The following SEC13 variants were observed in gnomAD, a reference collection of about 807,000 sequenced individuals.
SEC13 encodes protein SEC13 homolog.
Under a neutral mutation model 49.2 loss-of-function variants are expected in SEC13, and 25 were observed. The ratio of observed to expected loss-of-function variants is 0.51; its 90% CI spans 0.37 to 0.71. The LOEUF is 0.71. Ranked by LOEUF, SEC13 falls within the 30% of genes least tolerant of loss-of-function variation. SEC13 has a pLI of 0.00. For missense variants in SEC13, 383 were observed against 417.6 expected, an observed-to-expected ratio of 0.92 and a Z score of 0.72; for synonymous variants, 148 against 163.9, an observed-to-expected ratio of 0.90 and a Z score of 0.74.
At chr3:10,317,352 G>A (rs941711588) in intron 2 of SEC13, among the ~76,000 whole-genome samples, 1 of 152,168 alleles carries the variant, frequency 6.6e-6, no homozygotes, top group Non-Finnish European at 1.5e-5. Context: ...GACAGGTTGT[G>A]AGGGCAAGAA....
At chr3:10,304,301 G>C in intron 7 of SEC13, 129 bp from the exon 8 acceptor site, 1 of 861,084 alleles carries the variant, frequency 1.2e-6, no homozygotes. Context: ...AAGGGGAGCC[G>C]AGGACCTCTG....
intron 5 of SEC13, among the ~76,000 whole-genome samples, chr3:10,308,791 AT>A (rs34572074): frequency 0.43 from 49,175 of 115,174 alleles, 9,983 homozygotes; most frequent in Non-Finnish European, 0.46. Flanking sequence ...GCTGAGTTGA[AT>A]TTTTTTTTTT....
chr3:10,305,201 C>T (rs1288155682), intron 6 of SEC13, 45 bp from the exon 7 acceptor site: 2 of 1,561,224 alleles, frequency 1.3e-6, no homozygotes, highest in East Asian at 4.5e-5. Context: ...GCCGTTCCCA[C>T]ACCTCAACTC....
chr3:10,301,728 T>C lies in SEC13; in HGVS notation c.856-354A>G, dbSNP rs79160712. Among the ~76,000 whole-genome samples, 300 of 152,252 alleles carry C rather than the reference T, an allele frequency of 2.0e-3. 3 individuals are homozygous for C. The East Asian group carries it at 0.047, about 24-fold the overall frequency. ...CGGTCACCTGGGAGCTTGCTACAACTGCAGATTCTTGGGGCCTGGAACAAC... is the reference window on the plus strand; with the variant it reads ...CGGTCACCTGGGAGCTTGCTACAACCGCAGATTCTTGGGGCCTGGAACAAC... On this transcript the variant is annotated intron_variant, in intron 8 of 8. Coordinates refer to ENST00000350697, the MANE Select transcript of SEC13 (RefSeq NM_183352.3).
At position 10,311,802 on chromosome 3, in the gene SEC13, A is replaced by G. The variant is rs754214910; in HGVS notation, c.450+163T>C. 65 of 1,489,376 alleles carry G rather than the reference A, an allele frequency of 4.4e-5. No individual in the cohort carries two copies. The South Asian group carries it at 7.6e-4, about 17-fold the overall frequency. The allele number at this position is 1,489,376 out of a possible 1,614,324, so 92.3% of individuals were successfully genotyped here. On this transcript the variant is annotated intron_variant, in intron 5 of 8. Transcript: ENST00000350697. ...GCCCTGCCTGGTCTGGCTTCAGGGC[A>G]GAGAGGCTCAAAGCTGCTCTAGAGC...
At chr3:10,308,790 AATT>A (rs1701052185) in intron 5 of SEC13, among the ~76,000 whole-genome samples, 1 of 93,682 alleles carries the variant, frequency 1.1e-5, no homozygotes, top group Admixed American at 1.6e-4. Context: ...TGCTGAGTTG[AATT>A]TTTTTTTTTT....
rs137884718 is a variant in SEC13, at chr3:10,312,624, C to T, written c.271G>A (p.Gly91Ser). 50 of 1,614,048 alleles carry T rather than the reference C, an allele frequency of 3.1e-5. No individual in the cohort carries two copies. The highest frequency in any genetic ancestry group is 1.5e-4 in the African/African-American group (11 of 74,900). Reference sequence around the variant, plus strand: ...TGCTCGTGGCTCTTCTCCCAGGTGCCGTTTTCCTCTCTCCAGATAATGACT... The same window carrying T: ...TGCTCGTGGCTCTTCTCCCAGGTGCTGTTTTCCTCTCTCCAGATAATGACT... ...RKVIIWREEN[G>S]TWEKSHEHAG... The change falls in exon 4 of 9, where the codon GGC (glycine) becomes AGC (serine). Residue 91 changes from glycine (G) to serine (S), a missense_variant. Coordinates refer to ENST00000350697, the MANE Select transcript of SEC13 (RefSeq NM_183352.3).
At chr3:10,315,762 C>A (rs1160680313) in intron 2 of SEC13, among the ~76,000 whole-genome samples, 1 of 152,096 alleles carries the variant, frequency 6.6e-6, no homozygotes, top group Non-Finnish European at 1.5e-5. Flanking sequence ...CTTCTTCCTC[C>A]ATCCTCTCAG....
chr3:10,315,692 C>T (rs1331828130), intron 2 of SEC13, among the ~76,000 whole-genome samples: 1 of 152,202 alleles, frequency 6.6e-6, no homozygotes, highest in Non-Finnish European at 1.5e-5. Flanking sequence ...CAGGGAAGGG[C>T]TCTTCCATTC....
At chr3:10,308,529 T>G (rs1414136074) in intron 5 of SEC13, among the ~76,000 whole-genome samples, 3 of 152,224 alleles carry the variant, frequency 2.0e-5, no homozygotes, top group Non-Finnish European at 2.9e-5. Flanking sequence ...TATAACCTTT[T>G]GTGTATAAGT....
chr3:10,321,097 G>T lies in SEC13; in HGVS notation c.-45C>A. ...CCAGGTCTCGGACGTGGCAGCTCCC[G>T]GCGGCGCCTCGGAACAGCTCACTTC... On this transcript the variant is annotated 5_prime_UTR_variant, in exon 1 of 9. Transcript: ENST00000350697. The surrounding 1 kb of genome is among the most constrained non-coding windows in gnomAD (Gnocchi z 4.1). The T allele has an allele frequency of 6.2e-7, 1 of 1,612,106 alleles. No individual in the cohort carries two copies. Among genetic ancestry groups the T allele is most frequent in the Non-Finnish European group, 8.5e-7 (1 of 1,179,416 alleles).
At chr3:10,304,379 C>T (rs17032644) in intron 7 of SEC13, among the ~76,000 whole-genome samples, 5,294 of 152,170 alleles carry the variant, frequency 0.035, 319 homozygotes, top group African/African-American at 0.12. Flanking sequence ...TTTTCTCATC[C>T]GGGTTTCGGA....
At chr3:10,309,792 T>A (rs1206439580) in intron 5 of SEC13, among the ~76,000 whole-genome samples, 28 of 152,240 alleles carry the variant, frequency 1.8e-4, no homozygotes. Context: ...TCTGTTATTT[T>A]TAGGTGAGAT....
rs890349652 is a variant in SEC13 at position 10,303,796 on chromosome 3, G to C, written c.855+230C>G. 3.6e-5 allele frequency: 20 copies of C among 560,560 alleles called. No individual in the cohort carries two copies. The African/African-American group carries it at 3.7e-4, about 11-fold the overall frequency. 34.7% of individuals were successfully genotyped at this position (560,560 alleles called of 1,614,324 possible). The stretch of plus-strand genomic sequence containing the variant: ...TCATAGTTTTGGGACCCCCATGCAA[G>C]TCAAATCGCCTCTGTCAGCTTCTTT... On this transcript the variant is annotated intron_variant, in intron 8 of 8. Coordinates refer to ENST00000350697, the MANE Select transcript of SEC13 (RefSeq NM_183352.3).
chr3:10,311,197 G>T (rs35669), intron 5 of SEC13, among the ~76,000 whole-genome samples: 31,991 of 151,900 alleles, frequency 0.21, 3,644 homozygotes, highest in Middle Eastern at 0.26. Context: ...TGAGTGTGGG[G>T]GTGTGTGTGA....
intron 8 of SEC13, among the ~76,000 whole-genome samples, chr3:10,302,152 C>T (rs975153051): frequency 2.0e-5 from 3 of 152,088 alleles, no homozygotes; most frequent in Non-Finnish European, 2.9e-5. Flanking sequence ...GCAGGAGAAT[C>T]GCTTGAACCC....
chr3:10,312,225 G>GT (rs1351906234), intron 4 of SEC13, 127 bp from the exon 5 acceptor site: 1 of 1,430,138 alleles, frequency 7.0e-7, no homozygotes, highest in Non-Finnish European at 9.2e-7. Flanking sequence ...GGGGGAAGCT[G>GT]TAACTTGGTC....
chr3:10,319,369 T>C lies in SEC13; in HGVS notation c.4-1275A>G, dbSNP rs145187005. 1.1e-5 allele frequency: 16 copies of C among 1,416,868 alleles called. No homozygotes were observed. In the East Asian group the frequency reaches 3.6e-4, roughly 32 times the overall value. The allele number at this position is 1,416,868 out of a possible 1,614,324, so 87.8% of individuals were successfully genotyped here. On this transcript the variant is annotated intron_variant, in intron 1 of 8. Coordinates refer to ENST00000350697, the MANE Select transcript of SEC13 (RefSeq NM_183352.3). ...AGTTTCCTCCATGTGCCGAGCTGTA[T>C]AGGTTACAAAGTGCACAGGAAGGCG... is the stretch of plus-strand genomic sequence containing the variant.
Position 10,315,439 on chromosome 3 carries a change from G to C in SEC13, c.49-3C>G. On this transcript the variant is annotated splice_region_variant and splice_polypyrimidine_tract_variant and intron_variant, in intron 2 of 8. Transcript: ENST00000350697. ...TAGTAGTCCATCTGGGCGTCGTGCTGCAAAGGGAGGACAGCTCGGGAAGCC... is the reference window on the plus strand; with the variant it reads ...TAGTAGTCCATCTGGGCGTCGTGCTCCAAAGGGAGGACAGCTCGGGAAGCC... 6.9e-7 allele frequency: 1 copy of C among 1,458,826 alleles called. No individual in the cohort carries two copies. The highest frequency in any genetic ancestry group is 2.9e-5 in the East Asian group (1 of 34,540). 90.4% of individuals were successfully genotyped at this position (1,458,826 alleles called of 1,614,324 possible).
Sources: allele counts gnomAD v4.1 joint callset (sites outside exome capture counted in the v4.1 genomes callset), GRCh38; gene constraint gnomAD v4.1.1; non-coding constraint Gnocchi (gnomAD v3.1); transcripts MANE v1.5; gene names NCBI Gene and HGNC (gene_info 2026-07-23, HGNC 2026-07-21).